Variants in CDH18 observed in about 807,000 individuals in gnomAD.
CDH18 encodes cadherin 18, also known as cadherin-18.
CDH18 carries 31 observed loss-of-function variants against 67.9 expected under a neutral mutation model. The observed-to-expected ratio is 0.46, with a 90% CI of 0.34 to 0.62. CDH18 has a LOEUF of 0.62. CDH18 is among the 20% of genes least tolerant of loss of function. The pLI is 0.01. For missense variants in CDH18, 890 were observed against 975.5 expected (o/e 0.91, Z 1.17); for synonymous variants, 362 against 347.2 (o/e 1.04, Z -0.48).
intron 1 of CDH18, among the ~76,000 whole-genome samples, chr5:20,280,673 T>A (rs1469248379): frequency 2.0e-5 from 3 of 152,210 alleles, no homozygotes; most frequent in African/African-American, 7.2e-5. Flanking sequence ...AACATATGTG[T>A]GCATGTGTTT....
chr5:19,738,098 T>G (rs1268620744), intron 4 of CDH18, among the ~76,000 whole-genome samples: 1 of 152,184 alleles, frequency 6.6e-6, no homozygotes, highest in Non-Finnish European at 1.5e-5. Context: ...AATTTGGGTT[T>G]ACTCATTCTA....
chr5:20,164,511 G>T (rs1252619577), intron 2 of CDH18, among the ~76,000 whole-genome samples: 1 of 105,454 alleles, frequency 9.5e-6, no homozygotes, highest in Non-Finnish European at 2.2e-5. Context: ...CTGACCTCAG[G>T]TGATCCGTCC....
At position 19,928,763 on chromosome 5, in the gene CDH18, C is replaced by T. The variant is rs372268578; in HGVS notation, c.-257+52297G>A. Among the ~76,000 whole-genome samples, 7 of 152,168 alleles carry T rather than the reference C, an allele frequency of 4.6e-5. No individual in the cohort carries two copies. The East Asian group carries it at 1.4e-3, about 29-fold the overall frequency. ...ATCATCAGCTGAACTTAAACCTTGG[C>T]ACTCAGGATCTCTGAATAAATGCAT... On this transcript the variant is annotated intron_variant, in intron 2 of 12. Coordinates refer to ENST00000382275, the MANE Select transcript of CDH18 (RefSeq NM_004934.5).
intron 3 of CDH18, among the ~76,000 whole-genome samples, chr5:19,751,170 C>G (rs1581189237): frequency 6.6e-6 from 1 of 152,058 alleles, no homozygotes; most frequent in Admixed American, 6.6e-5. Flanking sequence ...TATTTATTCA[C>G]CCTGGACTAC....
intron 7 of CDH18, among the ~76,000 whole-genome samples, chr5:19,588,150 T>C (rs192559109): frequency 7.2e-5 from 11 of 152,158 alleles, no homozygotes; most frequent in African/African-American, 2.7e-4. Flanking sequence ...TCCTGAGACT[T>C]TGCTGAAGTT....
intron 1 of CDH18, among the ~76,000 whole-genome samples, chr5:20,398,018 G>A (rs1384203681): frequency 1.3e-5 from 2 of 152,152 alleles, no homozygotes; most frequent in South Asian, 2.1e-4. Context: ...AGTTGCACTA[G>A]CTACATTTTA....
intron 1 of CDH18, among the ~76,000 whole-genome samples, chr5:20,351,012 T>A (rs959751443): frequency 6.6e-6 from 1 of 152,112 alleles, no homozygotes; most frequent in Non-Finnish European, 1.5e-5. Flanking sequence ...CTCATTTTCA[T>A]CAAATCTTTG....
intron 1 of CDH18, among the ~76,000 whole-genome samples, chr5:20,554,878 G>A (rs1020032201): frequency 2.0e-5 from 3 of 152,178 alleles, no homozygotes; most frequent in African/African-American, 7.2e-5. Context: ...TGGATGAAGA[G>A]ACTCAATAGA....
intron 1 of CDH18, among the ~76,000 whole-genome samples, chr5:20,297,783 C>A (rs1747656076): frequency 6.6e-6 from 1 of 152,078 alleles, no homozygotes; most frequent in Non-Finnish European, 1.5e-5. Flanking sequence ...TCCAAATGAA[C>A]CCCACTCTGA....
intron 10 of CDH18, among the ~76,000 whole-genome samples, chr5:19,516,481 G>C (rs894344246): frequency 2.6e-5 from 4 of 151,868 alleles, no homozygotes; most frequent in African/African-American, 9.7e-5. Context: ...TCTGGTCCTA[G>C]ACTTTTTTTG....
At chr5:19,902,272 C>G (rs1790024004) in intron 2 of CDH18, among the ~76,000 whole-genome samples, 1 of 152,136 alleles carries the variant, frequency 6.6e-6, no homozygotes, top group Non-Finnish European at 1.5e-5. Flanking sequence ...GTGTGAGTTA[C>G]ATTTAGTGAC....
chr5:19,714,498 T>C (rs988630379), intron 5 of CDH18, among the ~76,000 whole-genome samples: 2 of 146,992 alleles, frequency 1.4e-5, no homozygotes, highest in Non-Finnish European at 3.0e-5. Flanking sequence ...TTCCCTAAAG[T>C]AGACAAAGTG....
chr5:20,399,187 G>T (rs1252550268), intron 1 of CDH18, among the ~76,000 whole-genome samples: 1 of 152,142 alleles, frequency 6.6e-6, no homozygotes, highest in Non-Finnish European at 1.5e-5. Flanking sequence ...CAGGGAAACA[G>T]AATATTAGAA....
intron 5 of CDH18, among the ~76,000 whole-genome samples, chr5:19,630,648 G>A (rs1241413602): frequency 6.6e-6 from 1 of 152,116 alleles, no homozygotes; most frequent in East Asian, 1.9e-4. Context: ...TCTTAGTAGG[G>A]GGATCTAGCA....
At chr5:19,705,649 G>T (rs1345578299) in intron 5 of CDH18, among the ~76,000 whole-genome samples, 1 of 152,096 alleles carries the variant, frequency 6.6e-6, no homozygotes, top group Non-Finnish European at 1.5e-5. Context: ...TTGTAGAGTG[G>T]CTTTTTCTTC....
intron 1 of CDH18, among the ~76,000 whole-genome samples, chr5:20,571,040 G>C (rs1435515123): frequency 6.6e-6 from 1 of 152,034 alleles, no homozygotes; most frequent in Non-Finnish European, 1.5e-5. Context: ...GAGTCCTCTT[G>C]TTTCCTTACA....
chr5:19,622,358 G>A (rs938858534), intron 5 of CDH18, among the ~76,000 whole-genome samples: 5 of 152,176 alleles, frequency 3.3e-5, no homozygotes, highest in African/African-American at 1.2e-4. Flanking sequence ...GTGGCCATTA[G>A]CCCTTAGGAT....
intron 6 of CDH18, among the ~76,000 whole-genome samples, chr5:19,612,127 C>A (rs1302369859): frequency 2.0e-5 from 3 of 152,134 alleles, no homozygotes. Flanking sequence ...TCCATGAATA[C>A]TTTAAGAATA....
At chr5:19,791,152 G>C (rs1776309853) in intron 3 of CDH18, among the ~76,000 whole-genome samples, 1 of 152,058 alleles carries the variant, frequency 6.6e-6, no homozygotes, top group South Asian at 2.1e-4. Flanking sequence ...AAGAGTTTGA[G>C]ATTAGAAACA....
Sources: gnomAD v4.1 joint callset for allele counts (sites outside exome capture counted in the v4.1 genomes callset) on GRCh38, gnomAD v4.1.1 for gene constraint, MANE v1.5 for transcripts, NCBI Gene and HGNC (gene_info 2026-07-23, HGNC 2026-07-21) for gene names.